The following SOX6 variants were observed in gnomAD, a reference collection of about 807,000 sequenced individuals.
SOX6 encodes SRY-box transcription factor 6, also known as transcription factor SOX-6.
In SOX6, 11 loss-of-function variants were observed where a neutral mutation model predicts 97.8. The ratio of observed to expected loss-of-function variants is 0.11; its 90% CI spans 0.07 to 0.19. The LOEUF is 0.19. Among genes scored for constraint, SOX6 ranks in the 10% least tolerant of loss-of-function variants. The pLI is 1.00. For missense variants in SOX6, 810 were observed against 1,039.5 expected (o/e 0.78, Z 3.04); for synonymous variants, 360 against 371.4 (o/e 0.97, Z 0.35).
chr11:15,983,731 G>C (rs955991437), intron 15 of SOX6, among the ~76,000 whole-genome samples: 3 of 152,114 alleles, frequency 2.0e-5, no homozygotes, highest in Non-Finnish European at 2.9e-5. Flanking sequence ...TCAGCATTGA[G>C]ATGAAAGAAT....
intron 4 of SOX6, among the ~76,000 whole-genome samples, chr11:16,599,168 C>T (rs1848242156): frequency 6.6e-6 from 1 of 152,106 alleles, no homozygotes. Flanking sequence ...TAGGCTTCTT[C>T]AATACATGGT....
chr11:16,270,608 C>G (rs1369805197), intron 3 of SOX6, among the ~76,000 whole-genome samples: 1 of 149,380 alleles, frequency 6.7e-6, no homozygotes, highest in African/African-American at 2.5e-5. Flanking sequence ...AAGTGCCCAT[C>G]AATAGATGAA....
chr11:16,020,208 C>G (rs1193426324), intron 12 of SOX6, among the ~76,000 whole-genome samples: 2 of 152,062 alleles, frequency 1.3e-5, no homozygotes, highest in African/African-American at 2.4e-5. Context: ...AGGCGATGAT[C>G]CAGGCTTGCT....
At chr11:16,050,722 A>C (rs1847664337) in intron 10 of SOX6, among the ~76,000 whole-genome samples, 1 of 152,192 alleles carries the variant, frequency 6.6e-6, no homozygotes, top group Non-Finnish European at 1.5e-5. Context: ...ACTGTAGTTC[A>C]TCCAGGATCT....
intron 9 of SOX6, among the ~76,000 whole-genome samples, chr11:16,066,268 T>C (rs1300917117): frequency 6.6e-6 from 1 of 152,012 alleles, no homozygotes; most frequent in African/African-American, 2.4e-5. Flanking sequence ...TAACAAACGC[T>C]GGCAAAAACA....
At chr11:16,503,126 A>C (rs1245299539) in intron 4 of SOX6, among the ~76,000 whole-genome samples, 2 of 152,188 alleles carry the variant, frequency 1.3e-5, no homozygotes, top group African/African-American at 2.4e-5. Context: ...ATCCTTCATA[A>C]ATGAAAGAGA....
chr11:16,155,033 G>C (rs1355079304), intron 6 of SOX6, among the ~76,000 whole-genome samples: 2 of 151,696 alleles, frequency 1.3e-5, no homozygotes, highest in Non-Finnish European at 2.9e-5. Context: ...TGTGGAGTGT[G>C]GGTCAGACTG....
chr11:16,643,227 C>T (rs951581819), intron 3 of SOX6, among the ~76,000 whole-genome samples: 3 of 152,280 alleles, frequency 2.0e-5, no homozygotes, highest in African/African-American at 4.8e-5. Flanking sequence ...TGCAGAACAG[C>T]GAAGATTGGT....
Position 16,286,407 on chromosome 11 carries a change from T to C in SOX6, c.445+32039A>G, listed in dbSNP as rs115158293. Among the ~76,000 whole-genome samples, 1,421 of 152,278 alleles carry C rather than the reference T, an allele frequency of 9.3e-3. 26 individuals carry two copies. The highest frequency in any genetic ancestry group is 0.032 in the African/African-American group (1,326 of 41,564). Reference sequence around the variant, plus strand: ...GAGGAATGCTCCTGGACATTCTATTTACTAAACTGCAGGCCAAATTGTCTT... The same window carrying C: ...GAGGAATGCTCCTGGACATTCTATTCACTAAACTGCAGGCCAAATTGTCTT... On this transcript the variant is annotated intron_variant, in intron 3 of 15. Transcript: ENST00000683767.
At chr11:16,258,832 C>T (rs1278465106) in intron 3 of SOX6, among the ~76,000 whole-genome samples, 2 of 150,612 alleles carry the variant, frequency 1.3e-5, no homozygotes, top group Non-Finnish European at 3.0e-5. Flanking sequence ...CATGTATATA[C>T]ACACACACAC....
chr11:16,361,486 A>G (rs1366488858), upstream of SOX6, among the ~76,000 whole-genome samples: 1 of 152,184 alleles, frequency 6.6e-6, no homozygotes, highest in African/African-American at 2.4e-5. Context: ...TAATAAGAAA[A>G]CTGAGAAGTA....
At chr11:16,064,956 CA>C (rs1564934055) in intron 9 of SOX6, among the ~76,000 whole-genome samples, 3 of 151,952 alleles carry the variant, frequency 2.0e-5, no homozygotes, top group African/African-American at 7.2e-5. Flanking sequence ...AGATCTGGAA[CA>C]TGACAAAGAT....
intron 6 of SOX6, among the ~76,000 whole-genome samples, chr11:16,172,858 C>T (rs1257014824): frequency 6.6e-6 from 1 of 151,960 alleles, no homozygotes; most frequent in Non-Finnish European, 1.5e-5. Flanking sequence ...AGGCTACTTT[C>T]TGTCAACTAA....
At chr11:16,104,663 CAT>C (rs1179367519) in intron 7 of SOX6, among the ~76,000 whole-genome samples, 2 of 151,572 alleles carry the variant, frequency 1.3e-5, no homozygotes, top group African/African-American at 2.4e-5. Flanking sequence ...CACACACACA[CAT>C]ACACAGGTTG....
intron 1 of SOX6, among the ~76,000 whole-genome samples, chr11:16,396,003 C>T (rs1430923253): frequency 1.3e-5 from 2 of 151,102 alleles, no homozygotes; most frequent in African/African-American, 2.4e-5. Flanking sequence ...TTCTCAGGCT[C>T]ATATCAAATC....
chr11:16,444,149 T>A (rs1859567669), intron 1 of SOX6, among the ~76,000 whole-genome samples: 1 of 152,050 alleles, frequency 6.6e-6, no homozygotes, highest in African/African-American at 2.4e-5. Context: ...AAAAGTAAGT[T>A]GTTTTAGTAT....
intron 3 of SOX6, among the ~76,000 whole-genome samples, chr11:16,282,626 C>T (rs1854600240): frequency 6.6e-6 from 1 of 151,336 alleles, no homozygotes; most frequent in Non-Finnish European, 1.5e-5. Context: ...TGATCCTGAA[C>T]AGTTTTTGAA....
At chr11:16,528,998 C>T (rs1861205153) in intron 4 of SOX6, among the ~76,000 whole-genome samples, 1 of 152,028 alleles carries the variant, frequency 6.6e-6, no homozygotes, top group African/African-American at 2.4e-5. Flanking sequence ...AAAACCCATG[C>T]CATCCCTGAT....
chr11:16,625,438 A>G (rs1848610890), intron 3 of SOX6, among the ~76,000 whole-genome samples: 1 of 152,162 alleles, frequency 6.6e-6, no homozygotes, highest in Non-Finnish European at 1.5e-5. Context: ...AAGAGGTAGG[A>G]GTGCTAGGAG....
Sources: gnomAD v4.1 joint callset for allele counts (sites outside exome capture counted in the v4.1 genomes callset) on GRCh38, gnomAD v4.1.1 for gene constraint, MANE v1.5 for transcripts, NCBI Gene and HGNC (gene_info 2026-07-23, HGNC 2026-07-21) for gene names.